PCDHGA6: variants seen among roughly 807,000 people sequenced by gnomAD.
PCDHGA6 encodes the protein protocadherin gamma subfamily A, 6.
A neutral mutation model predicts 60.6 loss-of-function variants in PCDHGA6; 41 were observed. The ratio of observed to expected loss-of-function variants is 0.68; its 90% CI spans 0.53 to 0.88. The LOEUF is 0.88. Ranked by LOEUF, PCDHGA6 falls within the 40% of genes least tolerant of loss-of-function variation. PCDHGA6 has a pLI of 0.00. For synonymous variants in PCDHGA6, 594 were observed against 524.4 expected (o/e 1.13, Z -1.81); for missense variants, 1,312 against 1,203.0 (o/e 1.09, Z -1.34).
At chr5:141,377,830 G>A (rs981734715) in intron 1 of PCDHGA6, 2 of 152,172 alleles carry the variant, frequency 1.3e-5, no homozygotes, top group Admixed American at 6.5e-5. Flanking sequence ...AGTTACAATC[G>A]CCATTATCTT....
intron 1 of PCDHGA6, chr5:141,409,804 C>T (rs766279863): frequency 6.2e-7 from 1 of 1,611,772 alleles, no homozygotes; most frequent in South Asian, 1.1e-5. Context: ...CGCTGCAGGC[C>T]CGCGACCACG....
rs1410460145 is a variant in PCDHGA6 at position 141,490,798 on chromosome 5, C to T, written c.2425-4009C>T. On this transcript the variant is annotated intron_variant, in intron 1 of 3. Coordinates refer to ENST00000517434, the MANE Select transcript of PCDHGA6 (RefSeq NM_018919.3). The surrounding 1 kb of genome is among the most constrained non-coding windows in gnomAD (Gnocchi z 5.4). The stretch of plus-strand genomic sequence containing the variant: ...AGAGGATGGACGGATCTTTGCCCAG[C>T]GTACCTTTGACTATGAATTGCTGCA... 9.3e-6 allele frequency: 15 copies of T among 1,613,808 alleles called. No individual in the cohort carries two copies. Among genetic ancestry groups the T allele is most frequent in the Admixed American group, 6.7e-5 (4 of 60,002 alleles).
chr5:141,386,745 G>A (rs2090694894), intron 1 of PCDHGA6, among the ~76,000 whole-genome samples: 1 of 152,124 alleles, frequency 6.6e-6, no homozygotes, highest in Non-Finnish European at 1.5e-5. Context: ...AGATCCTATG[G>A]CAGAACTACG....
intron 1 of PCDHGA6, chr5:141,415,051 C>T: frequency 3.1e-6 from 5 of 1,613,458 alleles, no homozygotes; most frequent in South Asian, 1.1e-5. Flanking sequence ...GGTGGGGGAG[C>T]ACACGGGCGA....
At position 141,431,495 on chromosome 5, in the gene PCDHGA6, G is replaced by A. The variant is rs557611439; in HGVS notation, c.2424+54988G>A. The A allele has an allele frequency of 4.3e-6, 7 of 1,613,864 alleles. No homozygotes were observed. The highest frequency in any genetic ancestry group is 1.1e-5 in the South Asian group (1 of 91,092). On this transcript the variant is annotated intron_variant, in intron 1 of 3. Coordinates refer to ENST00000517434, the MANE Select transcript of PCDHGA6 (RefSeq NM_018919.3). This position sits in a 1 kb window ranked among gnomAD's most constrained non-coding sequence, Gnocchi z 4.8. ...CAACGCACCAGCGTTTGCTCAGCCC[G>A]AGTACCGCGCGAGCGTTCCGGAGAA...
At chr5:141,430,687 T>A in intron 1 of PCDHGA6, 3 of 1,399,922 alleles carry the variant, frequency 2.1e-6, no homozygotes, top group Non-Finnish European at 9.5e-7. Flanking sequence ...TGTCCCATTC[T>A]ATGGGCGAAG....
intron 1 of PCDHGA6, chr5:141,440,191 A>G (rs1239698049): frequency 1.3e-5 from 2 of 152,376 alleles, no homozygotes; most frequent in African/African-American, 4.8e-5. Context: ...GTTGAAGGCC[A>G]GGCATGGTGG....
intron 1 of PCDHGA6, chr5:141,384,574 C>G (rs1229577686): frequency 1.9e-6 from 3 of 1,614,228 alleles, no homozygotes; most frequent in South Asian, 1.1e-5. Flanking sequence ...GAATGACAAC[C>G]CGCCCGAGAT....
At chr5:141,421,238 G>A (rs920128735) in intron 1 of PCDHGA6, 1 of 1,597,540 alleles carries the variant, frequency 6.3e-7, no homozygotes, top group African/African-American at 1.3e-5. Context: ...ATGGCGAATC[G>A]GCTACAGCGC....
At position 141,395,537 on chromosome 5, in the gene PCDHGA6, A is replaced by T. The variant is rs946783125; in HGVS notation, c.2424+19030A>T. 3.3e-5 allele frequency: 8 copies of T among 243,972 alleles called. No homozygotes were observed. In the African/African-American group the frequency reaches 3.8e-4, roughly 12 times the overall value. 15.1% of individuals were successfully genotyped at this position (243,972 alleles called of 1,614,324 possible). On this transcript the variant is annotated intron_variant, in intron 1 of 3. Transcript: ENST00000517434. ...ACCCGTCCATACTGGTAATTTTGCT[A>T]TTGTTTGTGTGTGTGTGTGTGTGTG...
intron 3 of PCDHGA6, chr5:141,507,424 G>C (rs577364087): frequency 6.6e-6 from 1 of 152,202 alleles, no homozygotes; most frequent in African/African-American, 2.4e-5. Context: ...GGTTAAGTGG[G>C]GCCAGGCCTA....
intron 1 of PCDHGA6, chr5:141,402,944 G>C (rs1487270083): frequency 2.5e-6 from 4 of 1,592,136 alleles, no homozygotes; most frequent in African/African-American, 1.3e-5. Context: ...ATTCCAAAGC[G>C]AGGCAGCAAT....
intron 1 of PCDHGA6, chr5:141,421,294 A>G (rs779984795): frequency 1.9e-6 from 3 of 1,613,304 alleles, no homozygotes; most frequent in Non-Finnish European, 2.5e-6. Context: ...TTTCCTGGGG[A>G]CGCTGCGGGG....
At chr5:141,410,828 C>A in intron 1 of PCDHGA6, 4 of 377,748 alleles carry the variant, frequency 1.1e-5, no homozygotes, top group Non-Finnish European at 1.8e-5. Context: ...TGTCACCAGA[C>A]TGAAGATATT....
chr5:141,495,109 C>A (rs1445945970), intron 2 of PCDHGA6, among the ~76,000 whole-genome samples: 3 of 152,278 alleles, frequency 2.0e-5, no homozygotes, highest in South Asian at 2.1e-4. Context: ...CGACCGGCAC[C>A]TTTTCCTATC....
chr5:141,464,980 GATCCT>G (rs2154568684), intron 1 of PCDHGA6, among the ~76,000 whole-genome samples: 1 of 151,990 alleles, frequency 6.6e-6, no homozygotes, highest in East Asian at 1.9e-4. Flanking sequence ...GGCTTCAAGT[GATCCT>G]CCCACCTCAG....
At chr5:141,483,670 A>G (rs1158511173) in intron 1 of PCDHGA6, among the ~76,000 whole-genome samples, 1 of 138,404 alleles carries the variant, frequency 7.2e-6, no homozygotes, top group African/African-American at 3.1e-5. Context: ...GTGTGTGTGT[A>G]AAAGAACACA....
intron 1 of PCDHGA6, among the ~76,000 whole-genome samples, chr5:141,435,604 A>T (rs1361568996): frequency 6.6e-6 from 1 of 152,180 alleles, no homozygotes. Flanking sequence ...CCTGCTTTTT[A>T]CATTAAATTC....
intron 1 of PCDHGA6, chr5:141,394,322 G>C (rs1438978424): frequency 1.9e-6 from 3 of 1,613,842 alleles, no homozygotes; most frequent in Non-Finnish European, 2.5e-6. Context: ...CCCTGTCCTC[G>C]TATATCTCCA....
Sources: allele counts gnomAD v4.1 joint callset (sites outside exome capture counted in the v4.1 genomes callset), GRCh38; gene constraint gnomAD v4.1.1; non-coding constraint Gnocchi (gnomAD v3.1); transcripts MANE v1.5; gene names NCBI Gene and HGNC (gene_info 2026-07-23, HGNC 2026-07-21).